The following GATM variants were observed in gnomAD, a reference collection of about 807,000 sequenced individuals.
The protein encoded by GATM is glycine amidinotransferase, mitochondrial.
Under a neutral mutation model 54.2 loss-of-function variants are expected in GATM, and 23 were observed. That is an observed-to-expected ratio of 0.42 (90% CI 0.31 to 0.60). GATM has a LOEUF of 0.60. Ranked by LOEUF, GATM falls within the 20% of genes least tolerant of loss-of-function variation. GATM has a pLI of 0.14. For missense variants in GATM, 401 were observed against 544.9 expected (o/e 0.74, Z 2.63); for synonymous variants, 168 against 183.1 (o/e 0.92, Z 0.67).
exon 1 of GATM, chr15:45,402,187 T>C (rs1236004353): frequency 3.7e-6 from 2 of 538,286 alleles, no homozygotes; most frequent in Non-Finnish European, 6.3e-6. Flanking sequence ...GAAGACCATC[T>C]CGGGAAAGCT....
At chr15:45,369,660 G>A in intron 2 of GATM, 139 bp from the exon 3 acceptor site, 2 of 747,302 alleles carry the variant, frequency 2.7e-6, no homozygotes, top group Non-Finnish European at 4.7e-6. Flanking sequence ...CTGATCCCTA[G>A]CATTGAGCAC....
intron 8 of GATM, among the ~76,000 whole-genome samples, chr15:45,362,800 G>A (rs1358353014): frequency 6.6e-6 from 1 of 152,262 alleles, no homozygotes; most frequent in East Asian, 1.9e-4. Context: ...ACAAGGCTAT[G>A]ATGTGCATGG....
chr15:45,386,290 G>A (rs1219969147), intron 3 of GATM, among the ~76,000 whole-genome samples: 1 of 152,232 alleles, frequency 6.6e-6, no homozygotes, highest in African/African-American at 2.4e-5. Flanking sequence ...GCGTGGAGAT[G>A]TAATGGGTAA....
Position 45,366,161 on chromosome 15 carries a change from T to A in GATM, c.863A>T (p.Asp288Val). 6.2e-7 allele frequency: 1 copy of A among 1,614,122 alleles called. No homozygotes were observed. The highest frequency in any genetic ancestry group is 8.5e-7 in the Non-Finnish European group (1 of 1,179,984). ...IEWMRRHLAPDYRVHIISFKD... is the reference protein window; with the variant it reads ...IEWMRRHLAPVYRVHIISFKD... ...AAAGGAGATGATATGCACTCTGTAG[T>A]CTGGAGCAAGATGCCTACGCATCCA... The change falls in exon 6 of 9, where the codon GAC (aspartate) becomes GTC (valine). Residue 288 changes from aspartate to valine, a missense_variant. By Grantham distance (152) the Asp-to-Val change is radical (BLOSUM62 -3). Transcript: ENST00000396659.
At position 45,368,844 on chromosome 15, in the gene GATM, C is replaced by T. The variant is rs1889491787; in HGVS notation, c.484+482G>A. On this transcript the variant is annotated intron_variant, in intron 3 of 8. Transcript: ENST00000396659. The surrounding 1 kb of genome is among the most constrained non-coding windows in gnomAD (Gnocchi z 5.1). The stretch of plus-strand genomic sequence containing the variant: ...GAGATCTTGAACCACCAAGCTTTCA[C>T]CATTTGTAAGCTCCTTTCTTGCTAT... Among the ~76,000 whole-genome samples the T allele has an allele frequency of 6.6e-6, 1 of 151,958 alleles. No homozygotes were observed. Among genetic ancestry groups the T allele is most frequent in the Admixed American group, 6.6e-5 (1 of 15,242 alleles).
intron 3 of GATM, among the ~76,000 whole-genome samples, chr15:45,383,561 T>C (rs1889770354): frequency 2.6e-5 from 4 of 151,862 alleles, no homozygotes; most frequent in Admixed American, 2.0e-4. Context: ...TGACTAAACT[T>C]AAAGGCAAAG....
chr15:45,388,150 CTGAT>C (rs1889826028), intron 3 of GATM, among the ~76,000 whole-genome samples: 1 of 152,176 alleles, frequency 6.6e-6, no homozygotes, highest in Non-Finnish European at 1.5e-5. Flanking sequence ...CTATACCAGA[CTGAT>C]TAAGTGTGGA....
intron 2 of GATM, among the ~76,000 whole-genome samples, chr15:45,373,713 G>A (rs893830016): frequency 5.3e-5 from 8 of 151,344 alleles, no homozygotes; most frequent in African/African-American, 1.5e-4. Flanking sequence ...TTCTTTTATT[G>A]TTCCCAAACT....
chr15:45,382,040 C>G (rs953277810), upstream of GATM, among the ~76,000 whole-genome samples: 5 of 152,264 alleles, frequency 3.3e-5, no homozygotes, highest in Admixed American at 3.3e-4. Context: ...AAACAAAAAA[C>G]ATATTTAAAA....
chr15:45,398,529 G>A lies in GATM; in HGVS notation c.-480+1017C>T, dbSNP rs549472697. On this transcript the variant is annotated intron_variant, in intron 2 of 4. Transcript: ENST00000561148. Reference sequence around the variant, plus strand: ...TGGATACAAGATAAAAAGTAAAGATGGAAGATTCTAAAGAACAATTTTAAC... The same window carrying A: ...TGGATACAAGATAAAAAGTAAAGATAGAAGATTCTAAAGAACAATTTTAAC... Among the ~76,000 whole-genome samples, 3 of 152,218 alleles carry A rather than the reference G, an allele frequency of 2.0e-5. No individual in the cohort carries two copies. In the South Asian group the frequency reaches 6.2e-4, roughly 32 times the overall value.
chr15:45,394,452 G>A (rs751102614), intron 3 of GATM, among the ~76,000 whole-genome samples: 37 of 152,284 alleles, frequency 2.4e-4, no homozygotes, highest in Non-Finnish European at 4.0e-4. Context: ...CTAACTCAAG[G>A]CAGAATTAAG....
intron 1 of GATM, among the ~76,000 whole-genome samples, chr15:45,400,159 T>C (rs1288211346): frequency 6.6e-6 from 1 of 152,216 alleles, no homozygotes; most frequent in Non-Finnish European, 1.5e-5. Flanking sequence ...GAAACAGATG[T>C]TGCAGTGAGC....
intron 2 of GATM, 74 bp downstream of exon 2, chr15:45,376,527 G>C (rs1889638912): frequency 7.9e-7 from 1 of 1,273,882 alleles, no homozygotes; most frequent in Non-Finnish European, 1.1e-6. Flanking sequence ...AAGCTGAAGG[G>C]AAAGCAGTCA....
At chr15:45,371,550 T>C (rs183862895) in intron 2 of GATM, among the ~76,000 whole-genome samples, 1 of 152,342 alleles carries the variant, frequency 6.6e-6, no homozygotes, top group Admixed American at 6.5e-5. Context: ...TAGCTGGATA[T>C]TCTCATTTGG....
At chr15:45,391,864 TA>T (rs1395146600) in intron 3 of GATM, among the ~76,000 whole-genome samples, 1 of 151,752 alleles carries the variant, frequency 6.6e-6, no homozygotes, top group East Asian at 1.9e-4. Flanking sequence ...ACACAAAAAA[TA>T]AAAGGATACA....
In GATM at chr15:45,365,283, G is replaced by A. The variant is rs186155130; in HGVS notation, c.979-423C>T. On this transcript the variant is annotated intron_variant, in intron 6 of 8. Transcript: ENST00000396659. ...TTTGTATCTAGGACCATGGTATAAA[G>A]ACAGTTGTTAGCTATGCATTCTCAA... 3.9e-5 allele frequency among the ~76,000 whole-genome samples: 6 copies of A among 152,260 alleles called. No individual in the cohort carries two copies. In the East Asian group the frequency reaches 1.2e-3, roughly 29 times the overall value.
At chr15:45,396,057 C>G (rs1182670586) in intron 3 of GATM, 1 of 152,176 alleles carries the variant, frequency 6.6e-6, no homozygotes, top group Non-Finnish European at 1.5e-5. Flanking sequence ...ACAACTAAAA[C>G]ATAATACGAT....
chr15:45,365,514 T>G (rs1889433051), intron 6 of GATM, among the ~76,000 whole-genome samples: 1 of 152,124 alleles, frequency 6.6e-6, no homozygotes, highest in African/African-American at 2.4e-5. Context: ...TAACAGAAAA[T>G]CACTCATCAC....
intron 3 of GATM, among the ~76,000 whole-genome samples, chr15:45,396,761 T>G (rs567467366): frequency 2.7e-5 from 4 of 150,228 alleles, no homozygotes; most frequent in African/African-American, 9.8e-5. Flanking sequence ...TCCCAGCTAC[T>G]CGGGAGGCTG....
Sources: gnomAD v4.1 joint callset for allele counts (sites outside exome capture counted in the v4.1 genomes callset) on GRCh38, gnomAD v4.1.1 for gene constraint, Gnocchi (gnomAD v3.1) non-coding constraint, MANE v1.5 for transcripts, NCBI Gene and HGNC (gene_info 2026-07-23, HGNC 2026-07-21) for gene names.